Variants in HLA-DRB1 observed in about 807,000 individuals in gnomAD.
HLA-DRB1 encodes the protein major histocompatibility complex, class II, DR beta 1 precursor.
In HLA-DRB1, 10 loss-of-function variants were observed where a neutral mutation model predicts 27.9. The ratio of observed to expected loss-of-function variants is 0.36; its 90% CI spans 0.22 to 0.61. HLA-DRB1 has a LOEUF of 0.61. Ranked by LOEUF, HLA-DRB1 falls within the 20% of genes least tolerant of loss-of-function variation. HLA-DRB1 has a pLI of 0.73. For missense variants in HLA-DRB1, 118 were observed against 306.3 expected, an observed-to-expected ratio of 0.39 and a Z score of 4.59; for synonymous variants, 57 against 126.7, an observed-to-expected ratio of 0.45 and a Z score of 3.69.
At chr6:32,580,907 T>TGAG in intron 3 of HLA-DRB1, 51 bp from the exon 4 acceptor site, 3 of 1,324,654 alleles carry the variant, frequency 2.3e-6, no homozygotes, top group Non-Finnish European at 3.1e-6. Flanking sequence ...TGAACCTTTT[T>TGAG]ACTTGAGACT....
At chr6:32,588,493 G>GCC (rs1776854302) in intron 1 of HLA-DRB1, among the ~76,000 whole-genome samples, 8 of 72,182 alleles carry the variant, frequency 1.1e-4, no homozygotes, top group Admixed American at 3.3e-4. Context: ...ATCTCATAGT[G>GCC]CTAAGGTTCT....
chr6:32,581,344 TCTCTCCCGCCTGGCAGGCGA>T (rs1775452354), intron 3 of HLA-DRB1, among the ~76,000 whole-genome samples, 193 bp downstream of exon 3: 7 of 61,880 alleles, frequency 1.1e-4, no homozygotes, highest in East Asian at 4.6e-4. Context: ...AGAGGGACAG[TCTCTCCCGCCTGGCAGGCGA>T]GACTGCTTCT....
intron 1 of HLA-DRB1, among the ~76,000 whole-genome samples, chr6:32,586,599 C>T (rs1260281296): frequency 1.8e-5 from 1 of 56,504 alleles, no homozygotes; most frequent in Non-Finnish European, 3.5e-5. Context: ...CCCTATGTAT[C>T]CTCTTCCACG....
At chr6:32,588,468 A>ATT (rs1561839213) in intron 1 of HLA-DRB1, among the ~76,000 whole-genome samples, 1 of 42,152 alleles carries the variant, frequency 2.4e-5, no homozygotes, top group Non-Finnish European at 4.7e-5. Flanking sequence ...AGAGAAAAAA[A>ATT]GTCTCTTTCA....
At chr6:32,588,360 G>C (rs1214682808) in intron 1 of HLA-DRB1, among the ~76,000 whole-genome samples, 1 of 141,470 alleles carries the variant, frequency 7.1e-6, no homozygotes, top group Non-Finnish European at 1.5e-5. Flanking sequence ...AGCCTGAGGA[G>C]GGAGGATCAC....
chr6:32,586,275 A>C (rs1776378540), intron 1 of HLA-DRB1, among the ~76,000 whole-genome samples: 1 of 101,022 alleles, frequency 9.9e-6, no homozygotes, highest in Non-Finnish European at 2.0e-5. Context: ...TCTACTCAAA[A>C]CAGTCAACCT....
At chr6:32,586,120 C>A (rs1254811622) in intron 1 of HLA-DRB1, among the ~76,000 whole-genome samples, 1 of 40,490 alleles carries the variant, frequency 2.5e-5, no homozygotes, top group Non-Finnish European at 5.2e-5. Context: ...CACCACTGCA[C>A]ACAGGGGCTC....
intron 5 of HLA-DRB1, 143 bp downstream of exon 5, chr6:32,580,102 CAA>C: frequency 0.025 from 1,275 of 51,838 alleles, no homozygotes; most frequent in Non-Finnish European, 0.029. Flanking sequence ...GACTCCGTCT[CAA>C]AAAAAAAAAA....
At chr6:32,582,643 G>A (rs33927408) in intron 2 of HLA-DRB1, among the ~76,000 whole-genome samples, 33 of 80,724 alleles carry the variant, frequency 4.1e-4, no homozygotes, top group African/African-American at 1.1e-3. Context: ...GCAGAGAGAA[G>A]GATTAGGGAA....
intron 1 of HLA-DRB1, among the ~76,000 whole-genome samples, chr6:32,588,486 T>G (rs72844253): frequency 0.26 from 18,192 of 69,778 alleles, 5,942 homozygotes; most frequent in Admixed American, 0.3. Context: ...TCAATGAATC[T>G]CATAGTGCTA....
At chr6:32,581,334 A>AAAAAAAAAGCATGACT (rs1775445279) in intron 3 of HLA-DRB1, among the ~76,000 whole-genome samples, 2 of 100,612 alleles carry the variant, frequency 2.0e-5, no homozygotes, top group East Asian at 2.8e-4. Flanking sequence ...GAGGTTCAAA[A>AAAAAAAAAGCATGACT]GAGGGACAGT....
At chr6:32,589,436 G>GTAGGCCCTTTA (rs1777031764) in intron 1 of HLA-DRB1, among the ~76,000 whole-genome samples, 1 of 64,274 alleles carries the variant, frequency 1.6e-5, no homozygotes, top group Non-Finnish European at 3.1e-5. Context: ...AATGATTTGT[G>GTAGGCCCTTTA]CAAAGGCCCC....
chr6:32,585,892 C>A (rs375262669), intron 1 of HLA-DRB1, among the ~76,000 whole-genome samples: 17,974 of 118,170 alleles, frequency 0.15, 2 homozygotes, highest in East Asian at 0.2. Context: ...ACAACAGGAT[C>A]ATTATTGAAA....
At chr6:32,586,598 T>A (rs1189766119) in intron 1 of HLA-DRB1, among the ~76,000 whole-genome samples, 4 of 53,032 alleles carry the variant, frequency 7.5e-5, no homozygotes, top group African/African-American at 1.6e-4. Flanking sequence ...TCCCTATGTA[T>A]CCTCTTCCAC....
At chr6:32,583,051 G>A (rs9269874) in intron 2 of HLA-DRB1, among the ~76,000 whole-genome samples, 75,902 of 113,358 alleles carry the variant, frequency 0.67, 27,084 homozygotes, top group Middle Eastern at 0.78. Context: ...GCAAATGCTG[G>A]ATCAAATATC....
chr6:32,579,066 T>C lies in HLA-DRB1; in HGVS notation c.*25A>G, dbSNP rs202053852. 5.7e-3 allele frequency: 3,888 copies of C among 679,856 alleles called. 279 individuals carry two copies. Among genetic ancestry groups the C allele is most frequent in the African/African-American group, 0.016 (493 of 31,204 alleles). The allele number at this position is 679,856 out of a possible 1,614,324, so 42.1% of individuals were successfully genotyped here. A position where few individuals can be genotyped will look rare whatever the true frequency, so the allele number is the denominator to read the frequency against. On this transcript the variant is annotated 3_prime_UTR_variant, in exon 6 of 6. Coordinates refer to ENST00000360004, the Ensembl canonical transcript of HLA-DRB1. ...CCTGCAAAGCCGGGGCAGAAAGTTC[T>C]TCCTTGAATGTGGTCATCTGCATTT...
chr6:32,585,392 A>G lies in HLA-DRB1; in HGVS notation c.101-1014T>C, dbSNP rs973383647. Among the ~76,000 whole-genome samples, 272 of 119,936 alleles carry G rather than the reference A, an allele frequency of 2.3e-3. 1 individual carries two copies. The highest frequency in any genetic ancestry group is 2.9e-3 in the East Asian group (12 of 4,204). 78.7% of individuals were successfully genotyped at this position (119,936 alleles called of 152,430 possible). ...ATCTCTTCTACTTGGGTCAATTTTT[A>G]CCAACCATAAGCCTTTTTGTAATCT... On this transcript the variant is annotated intron_variant, in intron 1 of 5. Transcript: ENST00000360004.
intron 5 of HLA-DRB1, among the ~76,000 whole-genome samples, chr6:32,579,801 T>G (rs72847699): frequency 0.23 from 11,102 of 47,464 alleles, 4,886 homozygotes; most frequent in Admixed American, 0.26. Flanking sequence ...CACTGATTGG[T>G]GCATTTAGAA....
rs28732319 is a variant in HLA-DRB1, at chr6:32,581,374, T to A, written c.652+183A>T. 0.03 allele frequency among the ~76,000 whole-genome samples: 1,816 copies of A among 60,630 alleles called. No individual in the cohort carries two copies. The highest frequency in any genetic ancestry group is 0.062 in the Middle Eastern group (5 of 80). The allele number at this position is 60,630 out of a possible 152,430, so 39.8% of individuals were successfully genotyped here. Reference sequence around the variant, plus strand: ...CCCGCCTGGCAGGCGAGACTGCTTCTCCAGGAGGTACAGGTGTTTCTAGAA... The same window carrying A: ...CCCGCCTGGCAGGCGAGACTGCTTCACCAGGAGGTACAGGTGTTTCTAGAA... On this transcript the variant is annotated intron_variant, in intron 3 of 5. Transcript: ENST00000360004.
Sources: allele counts gnomAD v4.1 joint callset (sites outside exome capture counted in the v4.1 genomes callset), GRCh38; gene constraint gnomAD v4.1.1; transcripts MANE v1.5; gene names NCBI Gene and HGNC (gene_info 2026-07-23, HGNC 2026-07-21).